The following INPP4B variants were observed in gnomAD, a reference collection of about 807,000 sequenced individuals.
The protein encoded by INPP4B is inositol polyphosphate-4-phosphatase type II B.
In INPP4B, 55 loss-of-function variants were observed where a neutral mutation model predicts 122.5. The ratio of observed to expected loss-of-function variants is 0.45; its 90% CI spans 0.36 to 0.56. INPP4B has a LOEUF of 0.56. Among genes scored for constraint, INPP4B ranks in the 20% least tolerant of loss-of-function variants. The pLI, the probability that INPP4B is intolerant of heterozygous loss-of-function variation, is 0.00. For synonymous variants in INPP4B, 403 were observed against 388.7 expected (o/e 1.04, Z -0.43); for missense variants, 1,000 against 1,097.7 (o/e 0.91, Z 1.26).
intron 9 of INPP4B, among the ~76,000 whole-genome samples, chr4:142,289,733 A>AGTACTCCATGG (rs1357918234): frequency 1.3e-5 from 2 of 152,188 alleles, no homozygotes; most frequent in Non-Finnish European, 1.5e-5. Flanking sequence ...ATGGCTGTAT[A>AGTACTCCATGG]GTACTCCATG....
At chr4:142,540,319 G>A (rs960460414) in intron 2 of INPP4B, among the ~76,000 whole-genome samples, 11 of 150,602 alleles carry the variant, frequency 7.3e-5, no homozygotes, top group African/African-American at 2.7e-4. Context: ...TGAAAAGGAG[G>A]AAGTTTTTTG....
At chr4:142,674,913 C>G (rs368463627) in intron 2 of INPP4B, among the ~76,000 whole-genome samples, 5 of 152,044 alleles carry the variant, frequency 3.3e-5, no homozygotes, top group African/African-American at 4.8e-5. Context: ...CAGGAAAGAT[C>G]TAAAATCGAC....
intron 2 of INPP4B, among the ~76,000 whole-genome samples, chr4:142,639,397 G>A (rs1749880831): frequency 6.6e-6 from 1 of 152,024 alleles, no homozygotes; most frequent in African/African-American, 2.4e-5. Flanking sequence ...GTTTTAATGG[G>A]TTGTTAATTA....
intron 21 of INPP4B, among the ~76,000 whole-genome samples, chr4:142,114,112 A>C (rs974269322): frequency 6.6e-6 from 1 of 152,040 alleles, no homozygotes; most frequent in Non-Finnish European, 1.5e-5. Flanking sequence ...AATGTTTTTG[A>C]AGTCATCCAT....
At chr4:142,304,832 T>C (rs1296830251) in intron 9 of INPP4B, among the ~76,000 whole-genome samples, 1 of 152,184 alleles carries the variant, frequency 6.6e-6, no homozygotes, top group East Asian at 1.9e-4. Flanking sequence ...TCAAATTTAC[T>C]TTGAATTTAA....
chr4:142,725,230 T>C (rs1765188459), intron 2 of INPP4B, among the ~76,000 whole-genome samples: 1 of 152,126 alleles, frequency 6.6e-6, no homozygotes, highest in African/African-American at 2.4e-5. Flanking sequence ...ATAATTCACA[T>C]AGTGATTTGA....
intron 2 of INPP4B, among the ~76,000 whole-genome samples, chr4:142,541,757 C>G (rs1828970259): frequency 6.6e-6 from 1 of 152,122 alleles, no homozygotes. Flanking sequence ...CACTCAACTC[C>G]TATATCATGC....
intron 2 of INPP4B, among the ~76,000 whole-genome samples, chr4:142,710,514 AT>A (rs1199696865): frequency 1.3e-5 from 2 of 152,174 alleles, no homozygotes; most frequent in East Asian, 1.9e-4. Context: ...AAAATGTAGC[AT>A]TTTTTTAAAA....
chr4:142,396,425 T>C (rs1258509536), intron 7 of INPP4B, among the ~76,000 whole-genome samples: 2 of 152,112 alleles, frequency 1.3e-5, no homozygotes, highest in African/African-American at 2.4e-5. Context: ...TACCACTTCA[T>C]ACCCACTAAA....
intron 14 of INPP4B, among the ~76,000 whole-genome samples, chr4:142,204,018 G>T (rs1394406852): frequency 6.6e-6 from 1 of 151,940 alleles, no homozygotes; most frequent in African/African-American, 2.4e-5. Context: ...TGTTATAAAA[G>T]AAAGTAGAAA....
chr4:142,517,910 C>A (rs988102804), intron 2 of INPP4B, among the ~76,000 whole-genome samples: 5 of 152,136 alleles, frequency 3.3e-5, no homozygotes, highest in African/African-American at 7.2e-5. Flanking sequence ...TTTCCTTTTA[C>A]CATATCTTGA....
At chr4:142,583,705 AT>A (rs1735587445) in intron 2 of INPP4B, 1 of 152,132 alleles carries the variant, frequency 6.6e-6, no homozygotes, top group Non-Finnish European at 1.5e-5. Context: ...TGAATATTTA[AT>A]TTAACAAGTA....
chr4:142,392,318 A>G (rs1797957431), intron 7 of INPP4B, among the ~76,000 whole-genome samples: 2 of 152,180 alleles, frequency 1.3e-5, no homozygotes. Context: ...TTATCTTTGA[A>G]TATTTTTTCC....
At chr4:142,215,508 C>T (rs1846736693) in intron 12 of INPP4B, among the ~76,000 whole-genome samples, 1 of 152,046 alleles carries the variant, frequency 6.6e-6, no homozygotes, top group Non-Finnish European at 1.5e-5. Flanking sequence ...GGCATGCCTA[C>T]CAGTTACTAC....
chr4:142,689,184 C>A (rs902757449), intron 2 of INPP4B, among the ~76,000 whole-genome samples: 7 of 152,116 alleles, frequency 4.6e-5, no homozygotes, highest in Non-Finnish European at 1.0e-4. Context: ...AGGCAGCGGG[C>A]AAGGAGAACC....
chr4:142,840,349 A>C (rs1431166071), intron 1 of INPP4B, among the ~76,000 whole-genome samples: 1 of 152,158 alleles, frequency 6.6e-6, no homozygotes, highest in East Asian at 1.9e-4. Flanking sequence ...GATTAGGATT[A>C]AAAATGCAAA....
intron 7 of INPP4B, among the ~76,000 whole-genome samples, chr4:142,328,932 T>C (rs895923408): frequency 2.6e-5 from 4 of 152,168 alleles, no homozygotes; most frequent in Non-Finnish European, 5.9e-5. Flanking sequence ...CAGAGTCTCT[T>C]TCAGAGGTGG....
At chr4:142,719,018 C>G (rs1469886461) in intron 2 of INPP4B, among the ~76,000 whole-genome samples, 1 of 152,184 alleles carries the variant, frequency 6.6e-6, no homozygotes, top group South Asian at 2.1e-4. Flanking sequence ...TTCCTTGGTA[C>G]AATGTGCTTC....
At chr4:142,299,697 A>G (rs930191497) in intron 9 of INPP4B, among the ~76,000 whole-genome samples, 4 of 152,218 alleles carry the variant, frequency 2.6e-5, no homozygotes, top group African/African-American at 9.6e-5. Context: ...TATTGGCTGC[A>G]ATCACTTTCT....
Sources: gnomAD v4.1 joint callset for allele counts (sites outside exome capture counted in the v4.1 genomes callset) on GRCh38, gnomAD v4.1.1 for gene constraint, MANE v1.5 for transcripts, NCBI Gene and HGNC (gene_info 2026-07-23, HGNC 2026-07-21) for gene names.